ALKBH1: variants seen among roughly 807,000 people sequenced by gnomAD.
The protein encoded by ALKBH1 is alkB homolog 1, histone H2A dioxygenase, also known as nucleic acid dioxygenase ALKBH1.
A neutral mutation model predicts 36.6 loss-of-function variants in ALKBH1; 31 were observed. The ratio of observed to expected loss-of-function variants is 0.85; its 90% CI spans 0.64 to 1.14. The LOEUF is 1.14. ALKBH1 is among the 50% of genes most tolerant of loss of function. The probability of loss-of-function intolerance (pLI) is 0.00; values close to 1 mark genes in which losing one functional copy is unlikely to be tolerated. For synonymous variants in ALKBH1, 183 were observed against 186.6 expected (o/e 0.98, Z 0.16); for missense variants, 490 against 497.3 (o/e 0.99, Z 0.14).
intron 3 of ALKBH1, among the ~76,000 whole-genome samples, chr14:77,680,244 A>G (rs2080229348): frequency 6.6e-6 from 1 of 152,218 alleles, no homozygotes; most frequent in African/African-American, 2.4e-5. Context: ...TAATGATAAA[A>G]TAAGAATGAC....
intron 4 of ALKBH1, among the ~76,000 whole-genome samples, chr14:77,678,738 G>A (rs557113665): frequency 1.3e-5 from 2 of 152,208 alleles, no homozygotes; most frequent in African/African-American, 4.8e-5. Flanking sequence ...AGAAGAAATC[G>A]TAGCTCAAGA....
At position 77,673,886 on chromosome 14, in the gene ALKBH1, T is replaced by C. The variant is rs2080189677; in HGVS notation, c.1096A>G (p.Ser366Gly). The change falls in exon 6 of 6, where the codon AGT becomes GGT. Residue 366 changes from serine to glycine, a missense_variant. Ser to Gly is a moderately conservative substitution (Grantham distance 56). Transcript: ENST00000216489. ...TCCAGATGGCAGAAACCTTCTGTACTGATGTCTCTTTTTTCATCCTCGATG... is the reference window on the plus strand; with the variant it reads ...TCCAGATGGCAGAAACCTTCTGTACCGATGTCTCTTTTTTCATCCTCGATG... ...EPIEDEKRDI[S>G]TEGFCHLDDQ... The C allele has an allele frequency of 6.2e-7, 1 of 1,614,276 alleles. No homozygotes were observed. Among genetic ancestry groups the C allele is most frequent in the African/African-American group, 1.3e-5 (1 of 75,072 alleles).
intron 4 of ALKBH1, among the ~76,000 whole-genome samples, chr14:77,679,256 AAAAAAG>A (rs905400673): frequency 4.9e-4 from 74 of 149,890 alleles, no homozygotes; most frequent in East Asian, 3.9e-3. Flanking sequence ...TAAAAATTAA[AAAAAAG>A]AAAAAGAAAA....
chr14:77,706,718 T>C (rs2080393986), intron 1 of ALKBH1, among the ~76,000 whole-genome samples: 1 of 152,120 alleles, frequency 6.6e-6, no homozygotes. Flanking sequence ...TGAATGAGAG[T>C]CTGAAGCGCT....
chr14:77,702,069 C>T (rs1345393026), intron 2 of ALKBH1, among the ~76,000 whole-genome samples: 10 of 152,100 alleles, frequency 6.6e-5, no homozygotes. Flanking sequence ...GAGGTCAAGG[C>T]AGGTGGATCA....
At chr14:77,703,187 T>C (rs985288584) in intron 2 of ALKBH1, among the ~76,000 whole-genome samples, 1 of 152,086 alleles carries the variant, frequency 6.6e-6, no homozygotes, top group Non-Finnish European at 1.5e-5. Flanking sequence ...CTTACTATGT[T>C]ACCCGGGCTG....
At chr14:77,705,412 A>G (rs962357260) in intron 1 of ALKBH1, among the ~76,000 whole-genome samples, 6 of 7,818 alleles carry the variant, frequency 7.7e-4, no homozygotes, top group Admixed American at 2.6e-3. Context: ...TCCGTCTAAG[A>G]AAAAAAAAAA....
In ALKBH1 at chr14:77,672,441, CCTG is replaced by C. The variant is rs1407693819; in HGVS notation, c.*1368_*1370del. 17 of 152,058 alleles carry C rather than the reference CCTG, an allele frequency of 1.1e-4. No individual in the cohort carries two copies. Among genetic ancestry groups the C allele is most frequent in the African/African-American group, 4.1e-4 (17 of 41,402 alleles). 9.4% of individuals were successfully genotyped at this position (152,058 alleles called of 1,614,324 possible). A position where few individuals can be genotyped will look rare whatever the true frequency, so the allele number is the denominator to read the frequency against. On this transcript the variant is annotated 3_prime_UTR_variant, in exon 6 of 6. Transcript: ENST00000216489. ...CCATAATTTTTATTCATTTAAAAAC[CCTG>C]CTATTACCATATGAACTCAATATTC...
intron 1 of ALKBH1, 86 bp from the exon 2 acceptor site, chr14:77,704,563 GTA>G: frequency 1.0e-6 from 1 of 966,124 alleles, no homozygotes; most frequent in South Asian, 1.3e-5. Context: ...CACATTTCTT[GTA>G]TGAGGCAAAG....
intron 5 of ALKBH1, among the ~76,000 whole-genome samples, chr14:77,675,424 ACT>A (rs1211739270): frequency 6.9e-6 from 1 of 144,850 alleles, no homozygotes; most frequent in East Asian, 1.9e-4. Flanking sequence ...ACAGAGCGAG[ACT>A]CTGTTTCAAA....
intron 3 of ALKBH1, among the ~76,000 whole-genome samples, chr14:77,694,144 G>A (rs1316581708): frequency 6.6e-6 from 1 of 152,138 alleles, no homozygotes. Context: ...CATAGGTAAT[G>A]CATTCTTGCC....
chr14:77,690,644 T>C (rs552841285), intron 3 of ALKBH1, among the ~76,000 whole-genome samples: 4 of 152,252 alleles, frequency 2.6e-5, no homozygotes, highest in East Asian at 3.9e-4. Context: ...TACTAGAGGG[T>C]TGCATTTAAA....
intron 1 of ALKBH1, 73 bp downstream of exon 1, chr14:77,707,749 A>G: frequency 6.6e-7 from 1 of 1,503,822 alleles, no homozygotes; most frequent in Non-Finnish European, 8.9e-7. Context: ...AAAAGAGGCG[A>G]AGAAGACACG....
intron 2 of ALKBH1, among the ~76,000 whole-genome samples, chr14:77,701,962 A>C (rs961690391): frequency 1.3e-5 from 2 of 152,164 alleles, no homozygotes; most frequent in Non-Finnish European, 2.9e-5. Flanking sequence ...ACAATCTGTT[A>C]AGGGGAGAAA....
chr14:77,687,289 C>T (rs896616941), intron 3 of ALKBH1, among the ~76,000 whole-genome samples: 9 of 152,192 alleles, frequency 5.9e-5, no homozygotes, highest in African/African-American at 2.2e-4. Context: ...TCTACCTATA[C>T]TATATCCTAT....
At chr14:77,684,595 A>G (rs983796955) in intron 3 of ALKBH1, among the ~76,000 whole-genome samples, 2 of 152,198 alleles carry the variant, frequency 1.3e-5, no homozygotes, top group African/African-American at 4.8e-5. Flanking sequence ...TCTGGACCTC[A>G]GGTGATCCAC....
chr14:77,689,800 A>C (rs2080287591), intron 3 of ALKBH1, among the ~76,000 whole-genome samples: 1 of 152,206 alleles, frequency 6.6e-6, no homozygotes, highest in Non-Finnish European at 1.5e-5. Flanking sequence ...TAATTTACAG[A>C]ACAAATAAAG....
chr14:77,685,921 C>T (rs879107210), intron 3 of ALKBH1, among the ~76,000 whole-genome samples: 1 of 152,080 alleles, frequency 6.6e-6, no homozygotes, highest in African/African-American at 2.4e-5. Context: ...AGTGTCTATG[C>T]CATTTTGGGG....
At chr14:77,674,515 T>C (rs1403900144) in intron 5 of ALKBH1, among the ~76,000 whole-genome samples, 2 of 151,862 alleles carry the variant, frequency 1.3e-5, no homozygotes, top group African/African-American at 2.4e-5. Flanking sequence ...ATGGAGAACT[T>C]AGCTTTAATG....
Sources: gnomAD v4.1 joint callset for allele counts (sites outside exome capture counted in the v4.1 genomes callset) on GRCh38, gnomAD v4.1.1 for gene constraint, MANE v1.5 for transcripts, NCBI Gene and HGNC (gene_info 2026-07-23, HGNC 2026-07-21) for gene names.